The following PLEKHG4B variants were observed in gnomAD, a reference collection of about 807,000 sequenced individuals.
The protein encoded by PLEKHG4B is pleckstrin homology and RhoGEF domain containing G4B.
Under a neutral mutation model 121.3 loss-of-function variants are expected in PLEKHG4B, and 111 were observed. The ratio of observed to expected loss-of-function variants is 0.92; its 90% confidence interval spans 0.78 to 1.07. The LOEUF is 1.07. Among genes scored for constraint, PLEKHG4B ranks in the 50% least tolerant of loss-of-function variants. The pLI, the probability that PLEKHG4B is intolerant of heterozygous loss-of-function variation, is 0.00. For synonymous variants in PLEKHG4B, 738 were observed against 725.0 expected, an observed-to-expected ratio of 1.02 and a Z score of -0.29; for missense variants, 1,831 against 1,757.8, an observed-to-expected ratio of 1.04 and a Z score of -0.74.
At position 165,005 on chromosome 5, in the gene PLEKHG4B, G is replaced by A. The variant is rs111966240; in HGVS notation, c.3476+1457G>A. On this transcript the variant is annotated intron_variant, in intron 13 of 19. Coordinates refer to ENST00000637938, the MANE Select transcript of PLEKHG4B (RefSeq NM_052909.5). ...TCACACTAATGCTCTGACGGGGCAG[G>A]GCTCACAGTAATGCTCTGACAGGGC... Among the ~76,000 whole-genome samples the A allele has an allele frequency of 1.1e-3, 50 of 47,424 alleles. 9 individuals carry two copies. The highest frequency in any genetic ancestry group is 2.7e-3 in the African/African-American group (31 of 11,624). 31.1% of individuals were successfully genotyped at this position (47,424 alleles called of 152,430 possible).
At chr5:148,999 A>T (rs1015471855) in intron 6 of PLEKHG4B, among the ~76,000 whole-genome samples, 1 of 152,212 alleles carries the variant, frequency 6.6e-6, no homozygotes, top group African/African-American at 2.4e-5. Flanking sequence ...AATGGTGCTT[A>T]AAAAACTAGA....
At chr5:152,025 T>C (rs964777912) in intron 7 of PLEKHG4B, among the ~76,000 whole-genome samples, 4 of 152,230 alleles carry the variant, frequency 2.6e-5, no homozygotes, top group Non-Finnish European at 5.9e-5. Context: ...CAGATCATTG[T>C]TCATCTCTAT....
rs2126471507 is a variant in PLEKHG4B at position 183,678 on chromosome 5, A to C, written c.*1355A>C. On this transcript the variant is annotated 3_prime_UTR_variant, in exon 20 of 20. Transcript: ENST00000637938. The stretch of plus-strand genomic sequence containing the variant: ...CATGAACCCGGGAGGCGGAGTTTGC[A>C]GTGAGCTGAGATCACGCCACTGCAC... The C allele has an allele frequency of 6.6e-6, 1 of 152,250 alleles. No homozygotes were observed. Among genetic ancestry groups the C allele is most frequent in the East Asian group, 1.9e-4 (1 of 5,190 alleles). 9.4% of individuals were successfully genotyped at this position (152,250 alleles called of 1,614,324 possible).
intron 13 of PLEKHG4B, among the ~76,000 whole-genome samples, chr5:168,768 G>T (rs1194638624): frequency 2.0e-5 from 3 of 152,012 alleles, no homozygotes; most frequent in Non-Finnish European, 4.4e-5. Flanking sequence ...AAGTTACTGT[G>T]TATCAAGAGA....
At chr5:169,041 A>C in intron 13 of PLEKHG4B, 2 of 346,156 alleles carry the variant, frequency 5.8e-6, no homozygotes, top group Non-Finnish European at 1.1e-5. Flanking sequence ...ACCCCCAGCT[A>C]ATTTTTGTAT....
intron 13 of PLEKHG4B, among the ~76,000 whole-genome samples, chr5:165,772 A>C (rs1328342986): frequency 1.1e-4 from 2 of 18,784 alleles, no homozygotes; most frequent in East Asian, 7.4e-4. Context: ...GCTCACAGTA[A>C]TCCTCTGACG....
At chr5:118,953 C>T (rs928153770) in intron 2 of PLEKHG4B, among the ~76,000 whole-genome samples, 8 of 151,832 alleles carry the variant, frequency 5.3e-5, no homozygotes, top group South Asian at 2.1e-4. Context: ...TGGGCTCAAG[C>T]GATCCTCCCA....
chr5:171,173 T>C (rs775120151), intron 15 of PLEKHG4B, 41 bp downstream of exon 15: 37 of 1,605,756 alleles, frequency 2.3e-5, no homozygotes, highest in Non-Finnish European at 3.1e-5. Flanking sequence ...TGCCCGGCCC[T>C]CAGCCAGGCC....
chr5:97,504 GGAT>G (rs1190762869), intron 1 of PLEKHG4B, among the ~76,000 whole-genome samples: 2 of 152,222 alleles, frequency 1.3e-5, no homozygotes, highest in Non-Finnish European at 2.9e-5. Flanking sequence ...CTGTCTCTAT[GGAT>G]TTATCTATTC....
chr5:152,305 G>T (rs773179586), intron 7 of PLEKHG4B, among the ~76,000 whole-genome samples: 2 of 151,586 alleles, frequency 1.3e-5, no homozygotes, highest in African/African-American at 4.9e-5. Context: ...CAAACTCCTG[G>T]GCTCAAGAGA....
At chr5:111,615 A>G (rs527438593) in intron 1 of PLEKHG4B, among the ~76,000 whole-genome samples, 1 of 152,264 alleles carries the variant, frequency 6.6e-6, no homozygotes, top group East Asian at 1.9e-4. Flanking sequence ...GGGATGGCCC[A>G]GTGTCGGCAT....
At position 185,045 on chromosome 5, in the gene PLEKHG4B, G is replaced by T. The variant is rs6554947; in HGVS notation, c.*2722G>T. On this transcript the variant is annotated 3_prime_UTR_variant, in exon 20 of 20. Coordinates refer to ENST00000637938, the MANE Select transcript of PLEKHG4B (RefSeq NM_052909.5). ...GATTGTGGTAAGCTAAAGATGTACT[G>T]ATAAACCCTTGAAACACCCACTAAC... The T allele has an allele frequency of 0.69, 104,889 of 152,080 alleles. 36,927 individuals are homozygous for T. The highest frequency in any genetic ancestry group is 0.74 in the African/African-American group (30,817 of 41,460). The allele number at this position is 152,080 out of a possible 1,614,324, so 9.4% of individuals were successfully genotyped here.
intron 1 of PLEKHG4B, among the ~76,000 whole-genome samples, chr5:112,837 G>A (rs766857123): frequency 6.6e-6 from 1 of 152,190 alleles, no homozygotes; most frequent in Non-Finnish European, 1.5e-5. Flanking sequence ...AGGAGAGCCG[G>A]GAGGAGCAGC....
At chr5:146,007 C>A (rs1254135381) in intron 6 of PLEKHG4B, among the ~76,000 whole-genome samples, 1 of 151,956 alleles carries the variant, frequency 6.6e-6, no homozygotes, top group East Asian at 1.9e-4. Flanking sequence ...GAGCTCACCA[C>A]ACCATGGAGT....
chr5:140,114 G>T lies in PLEKHG4B; in HGVS notation c.875G>T (p.Ser292Ile). The change falls in exon 3 of 20, where the codon AGC becomes ATC. Residue 292 changes from serine to isoleucine, a missense_variant. Coordinates refer to ENST00000637938, the MANE Select transcript of PLEKHG4B (RefSeq NM_052909.5). ...TCAGACAGGGACTTCGAAAAGGTCA[G>T]CCCCTCAGAGCAGGGCCCACGGATG... ...GSSDRDFEKV[S>I]PSEQGPRMPP... is the part of the protein sequence containing the mutation. 1 of 528,806 alleles carries T rather than the reference G, an allele frequency of 1.9e-6. No individual in the cohort carries two copies. 32.8% of individuals were successfully genotyped at this position (528,806 alleles called of 1,614,324 possible). A position where few individuals can be genotyped will look rare whatever the true frequency, so the allele number is the denominator to read the frequency against.
chr5:108,920 G>T (rs1227991090), intron 1 of PLEKHG4B, among the ~76,000 whole-genome samples: 1 of 152,214 alleles, frequency 6.6e-6, no homozygotes, highest in Non-Finnish European at 1.5e-5. Flanking sequence ...TGGGCCAGAC[G>T]CCAGGAGCCA....
At chr5:135,739 A>G (rs1295171175) in intron 2 of PLEKHG4B, among the ~76,000 whole-genome samples, 1 of 117,582 alleles carries the variant, frequency 8.5e-6, no homozygotes, top group Non-Finnish European at 1.7e-5. Context: ...GTATGTCAGT[A>G]CTACCCAAAG....
intron 6 of PLEKHG4B, among the ~76,000 whole-genome samples, chr5:148,552 C>G (rs1372412845): frequency 6.6e-6 from 1 of 152,032 alleles, no homozygotes; most frequent in Non-Finnish European, 1.5e-5. Flanking sequence ...CTGAAAACTA[C>G]AAGACAGCTG....
At chr5:96,943 C>T (rs901158908) in intron 1 of PLEKHG4B, among the ~76,000 whole-genome samples, 4 of 152,222 alleles carry the variant, frequency 2.6e-5, no homozygotes, top group African/African-American at 7.2e-5. Context: ...ATTTACATAA[C>T]GTAAAATCAA....
Sources: allele counts gnomAD v4.1 joint callset (sites outside exome capture counted in the v4.1 genomes callset), GRCh38; gene constraint gnomAD v4.1.1; transcripts MANE v1.5; gene names NCBI Gene and HGNC (gene_info 2026-07-23, HGNC 2026-07-21).